The following CD44 variants were observed in gnomAD, a reference collection of about 807,000 sequenced individuals.
CD44 encodes CD44 antigen.
A neutral mutation model predicts 88.8 loss-of-function variants in CD44; 49 were observed. That is an observed-to-expected ratio of 0.55 (90% CI 0.44 to 0.70). The LOEUF is 0.70. Among genes scored for constraint, CD44 ranks in the 30% least tolerant of loss-of-function variants. The pLI is 0.00. For missense variants in CD44, 883 were observed against 913.8 expected, an observed-to-expected ratio of 0.97 and a Z score of 0.43; for synonymous variants, 325 against 312.3, an observed-to-expected ratio of 1.04 and a Z score of -0.43.
chr11:35,195,750 T>A (rs542470416), intron 5 of CD44, among the ~76,000 whole-genome samples: 7 of 152,254 alleles, frequency 4.6e-5, no homozygotes, highest in Admixed American at 4.6e-4. Flanking sequence ...AGACTCTTGC[T>A]TCTGGTCTTA....
At chr11:35,217,576 A>G (rs1948941984) in intron 15 of CD44, among the ~76,000 whole-genome samples, 1 of 152,214 alleles carries the variant, frequency 6.6e-6, no homozygotes, top group Non-Finnish European at 1.5e-5. Context: ...ATGTTGAAAC[A>G]CCCAGATGTC....
chr11:35,208,928 C>G (rs1271394259), intron 12 of CD44, among the ~76,000 whole-genome samples: 2 of 152,120 alleles, frequency 1.3e-5, no homozygotes, highest in African/African-American at 4.8e-5. Context: ...CATATGAGCC[C>G]TTTAGGCAAA....
chr11:35,202,136 G>C (rs940025208), intron 9 of CD44, among the ~76,000 whole-genome samples: 2 of 152,186 alleles, frequency 1.3e-5, no homozygotes, highest in Non-Finnish European at 2.9e-5. Context: ...AATCTGGAAA[G>C]AAAGTTTGTC....
chr11:35,185,633 T>G (rs1458362099), intron 3 of CD44, among the ~76,000 whole-genome samples: 1 of 152,204 alleles, frequency 6.6e-6, no homozygotes, highest in Non-Finnish European at 1.5e-5. Flanking sequence ...TCCTTCTTCC[T>G]CTTTGCCAGG....
chr11:35,184,505 T>C (rs1945463286), intron 3 of CD44, among the ~76,000 whole-genome samples: 1 of 152,222 alleles, frequency 6.6e-6, no homozygotes, highest in African/African-American at 2.4e-5. Flanking sequence ...TGCGTCAGTT[T>C]CTGCTGATAT....
chr11:35,164,512 G>A (rs1590989761), intron 1 of CD44, among the ~76,000 whole-genome samples: 1 of 152,358 alleles, frequency 6.6e-6, no homozygotes, highest in Non-Finnish European at 1.5e-5. Flanking sequence ...GCCGTGGGCT[G>A]TGTGTTGAAG....
chr11:35,224,547 G>A (rs1052280578), intron 17 of CD44, among the ~76,000 whole-genome samples: 6 of 152,082 alleles, frequency 3.9e-5, no homozygotes, highest in Non-Finnish European at 8.8e-5. Flanking sequence ...GACCAGCCTG[G>A]GCAACATGGC....
At chr11:35,177,510 C>T (rs1944588879) in intron 2 of CD44, among the ~76,000 whole-genome samples, 1 of 152,246 alleles carries the variant, frequency 6.6e-6, no homozygotes, top group Non-Finnish European at 1.5e-5. Context: ...TCTGCAACTG[C>T]TCTGAAGTTT....
chr11:35,204,365 T>A (rs141571086), intron 9 of CD44, 147 bp from the exon 10 acceptor site: 132 of 673,270 alleles, frequency 2.0e-4, no homozygotes, highest in Non-Finnish European at 3.1e-4. Context: ...ATATCCCTTT[T>A]AGAATATCAG....
chr11:35,170,597 G>T (rs958739394), intron 1 of CD44, among the ~76,000 whole-genome samples: 2 of 152,198 alleles, frequency 1.3e-5, no homozygotes, highest in Non-Finnish European at 2.9e-5. Context: ...GAGGCACTTG[G>T]GACATTTTAT....
rs1245502377 is a variant in CD44 at position 35,211,285 on chromosome 11, A to G, written c.1646A>G (p.His549Arg). Residue 549 changes from histidine (H) to arginine (R), a missense_variant, in exon 14 of 18, where the codon CAT (histidine) becomes CGT (arginine). By Grantham distance (29) the His-to-Arg change is conservative. Coordinates refer to ENST00000428726, the MANE Select transcript of CD44 (RefSeq NM_000610.4). ...ACAGGTGGAAGAAGAGACCCAAATC[A>G]TTCTGAAGGCTCAACTACTTTACTG... ...DVTGGRRDPN[H>R]SEGSTTLLEG... 1.9e-6 allele frequency: 3 copies of G among 1,613,964 alleles called. No individual in the cohort carries two copies. The Admixed American group carries it at 5.0e-5, about 27-fold the overall frequency.
chr11:35,221,487 A>G (rs1319328573), intron 16 of CD44, among the ~76,000 whole-genome samples, 167 bp from the exon 17 acceptor site: 1 of 152,240 alleles, frequency 6.6e-6, no homozygotes, highest in Non-Finnish European at 1.5e-5. Context: ...ACCTTCAGCA[A>G]ATTGCTCTTC....
intron 14 of CD44, among the ~76,000 whole-genome samples, chr11:35,214,302 T>C (rs1184705452): frequency 6.6e-6 from 1 of 152,238 alleles, no homozygotes; most frequent in Non-Finnish European, 1.5e-5. Context: ...CAATTTTTTT[T>C]GAAAATAAGT....
At chr11:35,170,016 TA>T (rs2133506289) in intron 1 of CD44, among the ~76,000 whole-genome samples, 1 of 152,312 alleles carries the variant, frequency 6.6e-6, no homozygotes, top group South Asian at 2.1e-4. Flanking sequence ...TTATGAGAAT[TA>T]AATTAGCTGA....
chr11:35,155,112 T>C (rs1941680647), intron 1 of CD44, among the ~76,000 whole-genome samples: 1 of 152,214 alleles, frequency 6.6e-6, no homozygotes, highest in Non-Finnish European at 1.5e-5. Flanking sequence ...AAGTCCTTAA[T>C]TGACCTCTCC....
intron 3 of CD44, 127 bp downstream of exon 3, chr11:35,180,534 C>T: frequency 1.0e-6 from 1 of 985,836 alleles, no homozygotes; most frequent in Non-Finnish European, 1.5e-6. Context: ...ATCTGTACAG[C>T]AGAGCCAACA....
chr11:35,222,697 A>G, intron 17 of CD44: 3 of 924,594 alleles, frequency 3.2e-6, no homozygotes, highest in African/African-American at 1.8e-5. Context: ...CTAAATTTAT[A>G]AAAGTATAAA....
intron 15 of CD44, among the ~76,000 whole-genome samples, chr11:35,215,940 A>G (rs183066898): frequency 4.5e-4 from 68 of 150,070 alleles, no homozygotes; most frequent in African/African-American, 1.5e-3. Flanking sequence ...TTTATCTAGT[A>G]TGAACTCATT....
In CD44 at chr11:35,146,377, G is replaced by A. The variant is rs1038060376; in HGVS notation, c.67+7007G>A. Among the ~76,000 whole-genome samples the A allele has an allele frequency of 2.0e-5, 3 of 152,332 alleles. No homozygotes were observed. In the East Asian group the frequency reaches 5.8e-4, roughly 29 times the overall value. On this transcript the variant is annotated intron_variant, in intron 1 of 17. Coordinates refer to ENST00000428726, the MANE Select transcript of CD44 (RefSeq NM_000610.4). ...TGTGGCATTGCAAGTCTCCTTCGCAGTGCCTGAAAGTTCATTTGTTTTTGA... is the reference window on the plus strand; with the variant it reads ...TGTGGCATTGCAAGTCTCCTTCGCAATGCCTGAAAGTTCATTTGTTTTTGA...
Sources: gnomAD v4.1 joint callset for allele counts (sites outside exome capture counted in the v4.1 genomes callset) on GRCh38, gnomAD v4.1.1 for gene constraint, MANE v1.5 for transcripts, NCBI Gene and HGNC (gene_info 2026-07-23, HGNC 2026-07-21) for gene names.